The following ECPAS variants were observed in gnomAD, a reference collection of about 807,000 sequenced individuals.
The protein encoded by ECPAS is proteasome adapter and scaffold protein ECM29.
ECPAS carries 70 observed loss-of-function variants against 255.1 expected under a neutral mutation model. The observed-to-expected ratio is 0.27, with a 90% CI of 0.23 to 0.33. The LOEUF (loss-of-function observed/expected upper bound fraction) is 0.33, where lower values mean the gene tolerates loss of function less well. Ranked by LOEUF, ECPAS falls within the 10% of genes least tolerant of loss-of-function variation. The pLI is 1.00. For synonymous variants in ECPAS, 784 were observed against 775.0 expected (o/e 1.01, Z -0.19); for missense variants, 1,817 against 2,206.4 (o/e 0.82, Z 3.54).
chr9:111,378,157 A>C (rs979032115), intron 36 of ECPAS, among the ~76,000 whole-genome samples: 8 of 151,972 alleles, frequency 5.3e-5, no homozygotes, highest in Admixed American at 5.2e-4. Context: ...AAAAAAATAA[A>C]AATAAAAATA....
At chr9:111,483,528 C>T in intron 1 of ECPAS, 6 of 963,400 alleles carry the variant, frequency 6.2e-6, no homozygotes, top group South Asian at 4.9e-5. Flanking sequence ...GAGGCGGAGG[C>T]GGCGGCCGCA....
chr9:111,476,976 A>G (rs1410400733), intron 1 of ECPAS, among the ~76,000 whole-genome samples: 2 of 151,718 alleles, frequency 1.3e-5, no homozygotes, highest in Non-Finnish European at 2.9e-5. Context: ...CTAATTTTGT[A>G]TTTTTAGTAG....
intron 4 of ECPAS, 73 bp from the exon 5 acceptor site, chr9:111,442,497 T>A (rs768509857): frequency 4.4e-4 from 406 of 931,360 alleles, no homozygotes; most frequent in Non-Finnish European, 6.5e-4. Context: ...ATATGATTGA[T>A]AACTTAGAGA....
chr9:111,441,501 T>C (rs866338730), intron 5 of ECPAS, among the ~76,000 whole-genome samples: 11 of 151,344 alleles, frequency 7.3e-5, no homozygotes, highest in African/African-American at 2.7e-4. Flanking sequence ...TGAGACTCTG[T>C]CTCAAAAAAA....
chr9:111,415,549 G>C (rs561964411), intron 18 of ECPAS, among the ~76,000 whole-genome samples: 5 of 151,876 alleles, frequency 3.3e-5, no homozygotes, highest in East Asian at 1.9e-4. Context: ...AAAGATAACA[G>C]AATTAGCCAG....
chr9:111,448,499 A>T (rs752967043), intron 3 of ECPAS, among the ~76,000 whole-genome samples: 2 of 152,212 alleles, frequency 1.3e-5, no homozygotes, highest in African/African-American at 4.8e-5. Flanking sequence ...GCAAGCCAAG[A>T]TTATTAAAAC....
At chr9:111,401,152 T>A (rs1382821814) in intron 24 of ECPAS, among the ~76,000 whole-genome samples, 1 of 152,202 alleles carries the variant, frequency 6.6e-6, no homozygotes, top group Non-Finnish European at 1.5e-5. Flanking sequence ...TCCTTGCAAC[T>A]GAGAATACTG....
intron 2 of ECPAS, among the ~76,000 whole-genome samples, chr9:111,455,013 G>A (rs1008904995): frequency 2.6e-5 from 4 of 152,124 alleles, no homozygotes; most frequent in African/African-American, 4.8e-5. Context: ...GGGATTACAA[G>A]TATGAGCCAC....
rs983149128 is a variant in ECPAS, at chr9:111,362,020, C to T, written c.*10G>A. Reference sequence around the variant, plus strand: ...GAACATGGCACTTGTTTGTTTCTTCCCCTTCTAATTTATTCCAGATTTTCA... The same window carrying T: ...GAACATGGCACTTGTTTGTTTCTTCTCCTTCTAATTTATTCCAGATTTTCA... On this transcript the variant is annotated 3_prime_UTR_variant, in exon 50 of 50. Transcript: ENST00000684092. The T allele has an allele frequency of 2.5e-6, 4 of 1,609,156 alleles. No homozygotes were observed. The highest frequency in any genetic ancestry group is 3.4e-6 in the Non-Finnish European group (4 of 1,177,848).
chr9:111,437,179 A>C (rs1163142731), intron 6 of ECPAS, 71 bp from the exon 7 acceptor site: 6 of 1,226,054 alleles, frequency 4.9e-6, no homozygotes, highest in Non-Finnish European at 5.6e-6. Flanking sequence ...TATACAAAAC[A>C]TTCAATCATA....
At chr9:111,477,329 C>G (rs994293781) in intron 1 of ECPAS, among the ~76,000 whole-genome samples, 1 of 152,040 alleles carries the variant, frequency 6.6e-6, no homozygotes, top group Non-Finnish European at 1.5e-5. Flanking sequence ...CCAGGCTGGT[C>G]TTGAACTCCT....
Position 111,383,968 on chromosome 9 carries a change from TATCATC to T in ECPAS, c.3681+548_3681+553del, listed in dbSNP as rs55718434. On this transcript the variant is annotated intron_variant, in intron 34 of 49. Transcript: ENST00000684092. ...ATTAAATAAAGAAGTTTTGAAGTGTTATCATCATCATCATCATCATCATCATCAATA... is the reference window on the plus strand; with the variant it reads ...ATTAAATAAAGAAGTTTTGAAGTGTTATCATCATCATCATCATCATCAATA... 4.4e-3 allele frequency among the ~76,000 whole-genome samples: 668 copies of T among 150,972 alleles called. 9 individuals carry two copies. Among genetic ancestry groups the T allele is most frequent in the Non-Finnish European group, 5.9e-3 (399 of 67,724 alleles).
At chr9:111,461,756 A>T (rs112031908) in intron 2 of ECPAS, among the ~76,000 whole-genome samples, 2 of 152,234 alleles carry the variant, frequency 1.3e-5, no homozygotes, top group East Asian at 3.8e-4. Context: ...CCAAGACTAG[A>T]GAATTCACAA....
Position 111,444,304 on chromosome 9 carries a change from T to C in ECPAS, c.270+74A>G, listed in dbSNP as rs1350176075. 3.2e-5 allele frequency: 31 copies of C among 966,850 alleles called. No homozygotes were observed. The Admixed American group carries it at 7.4e-4, about 23-fold the overall frequency. The allele number at this position is 966,850 out of a possible 1,614,324, so 59.9% of individuals were successfully genotyped here. A position where few individuals can be genotyped will look rare whatever the true frequency, so the allele number is the denominator to read the frequency against. ...AGGTGAAATTCTAAACTTGCCAATA[T>C]GTTGATGACATCTAATAAATGTTAG... On this transcript the variant is annotated intron_variant, in intron 4 of 49. Transcript: ENST00000684092.
At position 111,408,684 on chromosome 9, in the gene ECPAS, C is replaced by A; in HGVS notation, c.2551-12G>T. On this transcript the variant is annotated splice_polypyrimidine_tract_variant and intron_variant, in intron 23 of 49. Coordinates refer to ENST00000684092, the MANE Select transcript of ECPAS (RefSeq NM_001364929.1). ...GCTCGTTCTTTCATCTGGAAGAACA[C>A]CAAATTTTTTTCTTTTAAACAGAGT... 1.3e-6 allele frequency: 2 copies of A among 1,520,388 alleles called. No homozygotes were observed. The highest frequency in any genetic ancestry group is 1.8e-6 in the Non-Finnish European group (2 of 1,129,164). The allele number at this position is 1,520,388 out of a possible 1,614,324, so 94.2% of individuals were successfully genotyped here.
intron 35 of ECPAS, among the ~76,000 whole-genome samples, chr9:111,382,350 C>T (rs997593420): frequency 6.6e-5 from 10 of 151,128 alleles, no homozygotes; most frequent in African/African-American, 2.2e-4. Flanking sequence ...CCGCAACCTC[C>T]GCCTCCTGGG....
intron 7 of ECPAS, among the ~76,000 whole-genome samples, chr9:111,433,590 C>A (rs370848544): frequency 1.3e-4 from 20 of 152,096 alleles, no homozygotes; most frequent in Non-Finnish European, 1.9e-4. Flanking sequence ...TCATTATACC[C>A]ATTTTTTAGC....
At chr9:111,450,327 T>G (rs1398424154) in intron 3 of ECPAS, among the ~76,000 whole-genome samples, 1 of 152,194 alleles carries the variant, frequency 6.6e-6, no homozygotes, top group South Asian at 2.1e-4. Context: ...TGCACGTCTA[T>G]CTCAGCAAAG....
At chr9:111,435,127 G>C (rs2098236104) in intron 7 of ECPAS, among the ~76,000 whole-genome samples, 1 of 151,742 alleles carries the variant, frequency 6.6e-6, no homozygotes, top group Non-Finnish European at 1.5e-5. Context: ...TCGAACTCCT[G>C]ACCTCAAGTG....
Sources: allele counts gnomAD v4.1 joint callset (sites outside exome capture counted in the v4.1 genomes callset), GRCh38; gene constraint gnomAD v4.1.1; transcripts MANE v1.5; gene names NCBI Gene and HGNC (gene_info 2026-07-23, HGNC 2026-07-21).